Variants in BRWD3 observed in about 807,000 individuals in gnomAD.
BRWD3 encodes the protein bromodomain and WD repeat-containing protein 3.
A neutral mutation model predicts 149.7 loss-of-function variants in BRWD3; 10 were observed. The observed-to-expected ratio is 0.07, with a 90% confidence interval of 0.04 to 0.11. BRWD3 has a LOEUF of 0.11. BRWD3 is among the 10% of genes least tolerant of loss of function. The probability of loss-of-function intolerance (pLI) is 1.00; values close to 1 mark genes in which losing one functional copy is unlikely to be tolerated. For synonymous variants in BRWD3, 504 were observed against 456.7 expected (o/e 1.10, Z -1.32); for missense variants, 940 against 1,373.2 (o/e 0.68, Z 4.99).
chrX:80,744,386 A>G, intron 7 of BRWD3, 133 bp from the exon 8 acceptor site: 1 of 490,310 alleles, frequency 2.0e-6, no homozygotes, highest in South Asian at 3.1e-5. Context: ...CTCTACATAT[A>G]ATAGGGATCC....
intron 4 of BRWD3, among the ~76,000 whole-genome samples, chrX:80,801,798 A>T (rs1412741549): frequency 1.1e-4 from 12 of 110,862 alleles, no homozygotes; most frequent in Non-Finnish European, 2.3e-4. Flanking sequence ...GTGCCACTTC[A>T]CTCCAGCCTG....
At chrX:80,739,547 C>A (rs2073453907) in intron 8 of BRWD3, among the ~76,000 whole-genome samples, 1 of 110,348 alleles carries the variant, frequency 9.1e-6, no homozygotes, top group African/African-American at 3.3e-5. Flanking sequence ...TAAGGCACTA[C>A]AATATGTAAA....
At chrX:80,708,317 A>T (rs1272813252) in intron 21 of BRWD3, among the ~76,000 whole-genome samples, 3 of 110,178 alleles carry the variant, frequency 2.7e-5, no homozygotes, top group Non-Finnish European at 5.7e-5. Context: ...AATTGCTTGA[A>T]CTTGGGAGGT....
chrX:80,767,306 C>T (rs1325340396), intron 6 of BRWD3, among the ~76,000 whole-genome samples: 1 of 111,655 alleles, frequency 9.0e-6, no homozygotes, highest in Non-Finnish European at 1.9e-5. Flanking sequence ...TAGGGGCCAA[C>T]AACACCTCAT....
chrX:80,706,166 T>C (rs1012035545), intron 22 of BRWD3, among the ~76,000 whole-genome samples: 4 of 110,633 alleles, frequency 3.6e-5, no homozygotes, highest in Admixed American at 2.9e-4. Flanking sequence ...TGGAGTGCAA[T>C]GGCGCAATCT....
chrX:80,791,844 T>C lies in BRWD3; in HGVS notation c.430+10A>G. The stretch of plus-strand genomic sequence containing the variant: ...ACAATCTGTTTATAACACACAGGTA[T>C]ATTACTCACCCACATTTGGAGGTTT... On this transcript the variant is annotated intron_variant, in intron 6 of 40. Coordinates refer to ENST00000373275, the MANE Select transcript of BRWD3 (RefSeq NM_153252.5). 1 of 1,157,351 alleles carries C rather than the reference T, an allele frequency of 8.6e-7. No homozygotes were observed. Among genetic ancestry groups the C allele is most frequent in the Non-Finnish European group, 1.2e-6 (1 of 846,497 alleles).
chrX:80,797,946 T>A (rs2074255314), intron 4 of BRWD3, among the ~76,000 whole-genome samples: 1 of 109,075 alleles, frequency 9.2e-6, no homozygotes, highest in African/African-American at 3.3e-5. Context: ...ATACAAAAAA[T>A]TAGCTGGGTC....
intron 15 of BRWD3, 47 bp from the exon 16 acceptor site, chrX:80,723,923 T>C: frequency 1.7e-6 from 2 of 1,164,144 alleles, no homozygotes; most frequent in Non-Finnish European, 2.3e-6. Flanking sequence ...AATTTTCAAA[T>C]AATAGATAGG....
At chrX:80,751,236 A>G (rs777623394) in intron 6 of BRWD3, among the ~76,000 whole-genome samples, 1 of 112,004 alleles carries the variant, frequency 8.9e-6, no homozygotes, top group Non-Finnish European at 1.9e-5. Flanking sequence ...CAAAATTGCT[A>G]AAAGAATAGA....
At chrX:80,758,488 C>T (rs753062288) in intron 6 of BRWD3, among the ~76,000 whole-genome samples, 10 of 111,688 alleles carry the variant, frequency 9.0e-5, no homozygotes, top group Middle Eastern at 9.2e-3. Flanking sequence ...ATGGCCATTC[C>T]GACCTCTGCC....
chrX:80,809,116 C>T, intron 2 of BRWD3, 74 bp from the exon 3 acceptor site: 2 of 1,155,804 alleles, frequency 1.7e-6, no homozygotes, highest in Non-Finnish European at 2.3e-6. Context: ...CACTTAAAGC[C>T]CAGCCGCTGA....
chrX:80,805,780 C>G (rs2074343232), intron 4 of BRWD3, among the ~76,000 whole-genome samples: 1 of 111,002 alleles, frequency 9.0e-6, no homozygotes, highest in Non-Finnish European at 1.9e-5. Context: ...CTAAAAAATA[C>G]AAAAATTAGC....
At chrX:80,773,115 G>C (rs986236990) in intron 6 of BRWD3, among the ~76,000 whole-genome samples, 2 of 112,252 alleles carry the variant, frequency 1.8e-5, no homozygotes, top group African/African-American at 6.5e-5. Context: ...TTATAAAAGA[G>C]TAACATGATG....
Position 80,682,480 on chromosome X carries a change from C to G in BRWD3, c.4382G>C (p.Ser1461Thr). ...RLRSSSSSLS[S>T]SGAPSPKGKQ... ...GTAATGATACCTAGGTGCTCCACTA[C>G]TAGATAATGAACTGCTGCTGCTTCT... Residue 1461 changes from serine (S) to threonine (T), a missense_variant, in exon 38 of 41, where the codon AGT becomes ACT. Around this residue, in one of 6 missense-constraint regions of BRWD3, gnomAD observed 349 missense variants for 419.6 expected, o/e 0.83. Transcript: ENST00000373275. 2.5e-6 allele frequency: 3 copies of G among 1,210,498 alleles called. No homozygotes were observed. Among genetic ancestry groups the G allele is most frequent in the Non-Finnish European group, 3.4e-6 (3 of 894,675 alleles).
chrX:80,679,545 A>G (rs1177826053), intron 40 of BRWD3, among the ~76,000 whole-genome samples: 1 of 112,154 alleles, frequency 8.9e-6, no homozygotes, highest in Non-Finnish European at 1.9e-5. Flanking sequence ...TGACGGATGC[A>G]GTCATTAGAA....
intron 10 of BRWD3, 147 bp from the exon 11 acceptor site, chrX:80,734,365 G>A (rs1170165171): frequency 6.5e-6 from 3 of 458,384 alleles, no homozygotes; most frequent in East Asian, 3.8e-5. Context: ...ACATACTAGC[G>A]ATTTAGAGAA....
intron 8 of BRWD3, among the ~76,000 whole-genome samples, chrX:80,740,965 T>G (rs1439653639): frequency 9.0e-6 from 1 of 111,189 alleles, no homozygotes; most frequent in African/African-American, 3.3e-5. Context: ...AACATGCAGG[T>G]TTGTTACATA....
intron 7 of BRWD3, 82 bp downstream of exon 7, chrX:80,745,486 CA>C: frequency 1.0e-6 from 1 of 962,281 alleles, no homozygotes; most frequent in Non-Finnish European, 1.4e-6. Context: ...GAACTGCTTA[CA>C]AAGCACAATG....
At chrX:80,692,240 G>A in intron 28 of BRWD3, 90 bp from the exon 29 acceptor site, 1 of 844,353 alleles carries the variant, frequency 1.2e-6, no homozygotes, top group Non-Finnish European at 1.7e-6. Context: ...TCTTGGGGGT[G>A]AAATTTGAAA....
Sources: allele counts gnomAD v4.1 joint callset (sites outside exome capture counted in the v4.1 genomes callset), GRCh38; gene constraint gnomAD v4.1.1; regional missense constraint gnomAD v4.1.1; transcripts MANE v1.5; gene names NCBI Gene and HGNC (gene_info 2026-07-23, HGNC 2026-07-21).